Variants in AQP11 observed in about 807,000 individuals in gnomAD.
AQP11 encodes aquaporin-11.
A neutral mutation model predicts 21.1 loss-of-function variants in AQP11; 20 were observed. The observed-to-expected ratio is 0.95, with a 90% CI of 0.67 to 1.38. The LOEUF is 1.38. AQP11 is among the 40% of genes most tolerant of loss of function. AQP11 has a pLI of 0.00. For missense variants in AQP11, 339 were observed against 340.4 expected (o/e 1.00, Z 0.03); for synonymous variants, 167 against 150.1 (o/e 1.11, Z -0.82).
intron 1 of AQP11, chr11:77,591,375 G>A (rs1958746740): frequency 2.2e-6 from 2 of 904,102 alleles, no homozygotes; most frequent in Non-Finnish European, 2.6e-6. Flanking sequence ...AGTATTTAAT[G>A]ATGAAATGTG....
chr11:77,607,258 C>A (rs1237280286), intron 2 of AQP11, among the ~76,000 whole-genome samples: 2 of 151,872 alleles, frequency 1.3e-5, no homozygotes, highest in East Asian at 1.9e-4. Flanking sequence ...TTATATAACT[C>A]TGAAAAGAAT....
intron 1 of AQP11, among the ~76,000 whole-genome samples, chr11:77,596,218 G>A (rs1007607018): frequency 6.6e-6 from 1 of 151,444 alleles, no homozygotes; most frequent in Non-Finnish European, 1.5e-5. Context: ...ATTCATTATC[G>A]TCACTACTCT....
Position 77,590,329 on chromosome 11 carries a change from TCCCC to T in AQP11, c.339_342del (p.Pro114ArgfsTer5). ...GATGCAGATGATGCTGGGGGGCATG[TCCCC>T]CGAGACGGGTGCGGTGAGGCTATTG... On this transcript the variant is annotated frameshift_variant, in exon 1 of 3. Transcript: ENST00000313578. LOFTEE classifies it high-confidence loss of function. 1 of 1,610,108 alleles carries T rather than the reference TCCCC, an allele frequency of 6.2e-7. No homozygotes were observed. Among genetic ancestry groups the T allele is most frequent in the Non-Finnish European group, 8.5e-7 (1 of 1,177,170 alleles).
intron 1 of AQP11, among the ~76,000 whole-genome samples, chr11:77,593,054 T>G (rs1004763095): frequency 6.6e-6 from 1 of 152,220 alleles, no homozygotes; most frequent in African/African-American, 2.4e-5. Flanking sequence ...TGTTTACACT[T>G]AAATTAACTG....
chr11:77,597,847 A>G (rs1167706008), intron 1 of AQP11, among the ~76,000 whole-genome samples: 2 of 151,708 alleles, frequency 1.3e-5, no homozygotes, highest in South Asian at 2.1e-4. Context: ...TCCGACCCCC[A>G]GGTTCAAGCG....
Position 77,590,029 on chromosome 11 carries a change from G to A in AQP11, c.37G>A (p.Asp13Asn). 6.5e-7 allele frequency: 1 copy of A among 1,546,702 alleles called. No individual in the cohort carries two copies. The highest frequency in any genetic ancestry group is 8.7e-7 in the Non-Finnish European group (1 of 1,151,064). ...PLLGLRSELQ[D>N]TCTSLGLMLS... Reference sequence around the variant, plus strand: ...GCTGGGGCTCCGGTCCGAGCTGCAGGACACCTGCACCTCGCTGGGACTGAT... The same window carrying A: ...GCTGGGGCTCCGGTCCGAGCTGCAGAACACCTGCACCTCGCTGGGACTGAT... The change falls in exon 1 of 3, where the codon GAC (aspartate) becomes AAC (asparagine). Residue 13 changes from aspartate to asparagine, a missense_variant. Asp to Asn is a conservative substitution (Grantham distance 23). Coordinates refer to ENST00000313578, the MANE Select transcript of AQP11 (RefSeq NM_173039.3).
chr11:77,590,490 G>T lies in AQP11; in HGVS notation c.498G>T (p.Ala166=). The T allele has an allele frequency of 6.2e-7, 1 of 1,614,148 alleles. No homozygotes were observed. The highest frequency in any genetic ancestry group is 2.2e-5 in the East Asian group (1 of 44,876). ...CCATCCGAGTCGACTTGCTCAAAGC[G>T]GTCATCACAGAGGCCGTCTGCTCCT... The part of the protein sequence containing the change: ...KNPIRVDLLK[A]VITEAVCSFL... Residue 166 remains alanine (A), a synonymous_variant, in exon 1 of 3, where the codon GCG becomes GCT. Transcript: ENST00000313578.
intron 2 of AQP11, among the ~76,000 whole-genome samples, chr11:77,606,383 A>G (rs1480098998): frequency 6.6e-6 from 1 of 152,174 alleles, no homozygotes; most frequent in Non-Finnish European, 1.5e-5. Flanking sequence ...ACAGAGCAGA[A>G]AGTGTGATAG....
chr11:77,594,073 G>C (rs1246490033), intron 1 of AQP11, among the ~76,000 whole-genome samples: 1 of 152,108 alleles, frequency 6.6e-6, no homozygotes, highest in Non-Finnish European at 1.5e-5. Flanking sequence ...GGGAGGAATG[G>C]GGACTTATTG....
chr11:77,605,457 C>T (rs1052021675), intron 2 of AQP11, among the ~76,000 whole-genome samples: 3 of 152,084 alleles, frequency 2.0e-5, no homozygotes, highest in Non-Finnish European at 2.9e-5. Context: ...GTAACCAGGC[C>T]GCACAGCAGG....
chr11:77,597,695 G>A (rs1351355866), intron 1 of AQP11, among the ~76,000 whole-genome samples: 2 of 152,132 alleles, frequency 1.3e-5, no homozygotes, highest in East Asian at 1.9e-4. Flanking sequence ...AGTAATGTCC[G>A]GGAGTAGAGA....
rs1958802316 is a variant in AQP11, at chr11:77,599,416, C to T, written c.620-4140C>T. 2.0e-5 allele frequency among the ~76,000 whole-genome samples: 3 copies of T among 150,870 alleles called. No homozygotes were observed. The South Asian group carries it at 6.3e-4, about 32-fold the overall frequency. On this transcript the variant is annotated intron_variant, in intron 1 of 2. Coordinates refer to ENST00000313578, the MANE Select transcript of AQP11 (RefSeq NM_173039.3). ...GTATTTCTCCTAATACTATCCCTCC[C>T]CCAGCCCCCCACCCCATGACAGGCC...
At chr11:77,596,641 A>C (rs994913911) in intron 1 of AQP11, among the ~76,000 whole-genome samples, 1 of 148,042 alleles carries the variant, frequency 6.8e-6, no homozygotes, top group African/African-American at 2.5e-5. Context: ...GGAGGACTGC[A>C]TGAGGCCAGC....
intron 1 of AQP11, among the ~76,000 whole-genome samples, chr11:77,591,509 A>C (rs1958747502): frequency 6.6e-6 from 1 of 152,198 alleles, no homozygotes; most frequent in Non-Finnish European, 1.5e-5. Flanking sequence ...TTAAAAGTGA[A>C]ACAATGACTA....
chr11:77,593,639 C>T (rs921641064), intron 1 of AQP11, among the ~76,000 whole-genome samples: 1 of 150,688 alleles, frequency 6.6e-6, no homozygotes, highest in Middle Eastern at 3.2e-3. Flanking sequence ...AGCGAGACTC[C>T]GTCTCAAAAA....
In AQP11 at chr11:77,590,254, G is replaced by C. The variant is rs557986456; in HGVS notation, c.262G>C (p.Val88Leu). Residue 88 changes from valine (V) to leucine (L), a missense_variant, in exon 1 of 3, where the codon GTG becomes CTG. By Grantham distance (32) the Val-to-Leu change is conservative. Coordinates refer to ENST00000313578, the MANE Select transcript of AQP11 (RefSeq NM_173039.3). ...TLTLVYFFSL[V>L]HGLTLVGTSS... The stretch of plus-strand genomic sequence containing the variant: ...GACGCTCGTCTACTTCTTCTCGCTT[G>C]TGCATGGCCTGACTCTGGTGGGCAC... 1 of 1,601,304 alleles carries C rather than the reference G, an allele frequency of 6.2e-7. No homozygotes were observed. Among genetic ancestry groups the C allele is most frequent in the South Asian group, 1.1e-5 (1 of 89,294 alleles).
chr11:77,595,275 A>G (rs1344457231), intron 1 of AQP11, among the ~76,000 whole-genome samples: 1 of 152,202 alleles, frequency 6.6e-6, no homozygotes, highest in East Asian at 1.9e-4. Flanking sequence ...TGGGAGGCAG[A>G]GGTTGCAGTG....
intron 2 of AQP11, among the ~76,000 whole-genome samples, chr11:77,604,710 A>C (rs1227565316): frequency 6.6e-6 from 1 of 152,140 alleles, no homozygotes; most frequent in South Asian, 2.1e-4. Flanking sequence ...CCATTCCTCT[A>C]TCTCACATTA....
chr11:77,599,243 A>G (rs1446471572), intron 1 of AQP11, among the ~76,000 whole-genome samples: 3 of 151,564 alleles, frequency 2.0e-5, no homozygotes, highest in African/African-American at 4.8e-5. Flanking sequence ...GGCACCTGCC[A>G]CCACAGCCGG....
Sources: allele counts gnomAD v4.1 joint callset (sites outside exome capture counted in the v4.1 genomes callset), GRCh38; gene constraint gnomAD v4.1.1; transcripts MANE v1.5; gene names NCBI Gene and HGNC (gene_info 2026-07-23, HGNC 2026-07-21).